Variants in KIAA1549L observed in about 807,000 individuals in gnomAD.
KIAA1549L encodes UPF0606 protein KIAA1549L.
Under a neutral mutation model 160.7 loss-of-function variants are expected in KIAA1549L, and 88 were observed. The observed-to-expected ratio is 0.55, with a 90% CI of 0.46 to 0.65. The LOEUF is 0.65. Ranked by LOEUF, KIAA1549L falls within the 30% of genes least tolerant of loss-of-function variation. The probability of loss-of-function intolerance (pLI) is 0.00; values close to 1 mark genes in which losing one functional copy is unlikely to be tolerated. For synonymous variants in KIAA1549L, 950 were observed against 976.7 expected (o/e 0.97, Z 0.51); for missense variants, 2,258 against 2,437.5 (o/e 0.93, Z 1.55).
intron 8 of KIAA1549L, among the ~76,000 whole-genome samples, chr11:33,564,158 C>T (rs1854969765): frequency 6.6e-6 from 1 of 152,174 alleles, no homozygotes; most frequent in Admixed American, 6.5e-5. Context: ...TTAGGATGAT[C>T]ATCCTGCCTT....
rs564417533 is a variant in KIAA1549L at position 33,580,907 on chromosome 11, G to T, written c.4403-2431G>T. ...AAGATAGTGGTTGCAATTTTAAATT[G>T]TTGGGGGGTCAAGAAGAGAATCACT... On this transcript the variant is annotated intron_variant, in intron 10 of 20. Coordinates refer to ENST00000658780, the MANE Select transcript of KIAA1549L (RefSeq NM_012194.3). Among the ~76,000 whole-genome samples the T allele has an allele frequency of 1.6e-4, 25 of 152,348 alleles. 2 individuals are homozygous for T. The South Asian group carries it at 4.8e-3, about 29-fold the overall frequency.
rs1348146415 is a variant in KIAA1549L, at chr11:33,376,295, G to A, written c.-357G>A. Among the ~76,000 whole-genome samples, 1 of 148,738 alleles carries A rather than the reference G, an allele frequency of 6.7e-6. No individual in the cohort carries two copies. The highest frequency in any genetic ancestry group is 6.7e-5 in the Admixed American group (1 of 14,978). On this transcript the variant is annotated 5_prime_UTR_variant, in exon 1 of 21. Coordinates refer to ENST00000658780, the MANE Select transcript of KIAA1549L (RefSeq NM_012194.3). The surrounding 1 kb of genome is among the most constrained non-coding windows in gnomAD (Gnocchi z 5.8). ...CCCCGCGGCCGCCACCCCCGTTCCC[G>A]GCAGCCTCGCCCCCTAGTTCTGCAG... is the stretch of plus-strand genomic sequence containing the variant.
intron 20 of KIAA1549L, among the ~76,000 whole-genome samples, chr11:33,661,879 CAAAAAAAAAAA>C (rs59140753): frequency 1.4e-4 from 5 of 36,300 alleles, no homozygotes; most frequent in Non-Finnish European, 2.6e-4. Context: ...GACTATGTCT[CAAAAAAAAAAA>C]AAAAAAAAAA....
chr11:33,642,450 A>C (rs1012081531), intron 16 of KIAA1549L, among the ~76,000 whole-genome samples: 1 of 152,232 alleles, frequency 6.6e-6, no homozygotes. Flanking sequence ...GTGAGCGCAC[A>C]CTTGGATAAG....
chr11:33,634,496 G>A (rs1158215119), intron 16 of KIAA1549L, among the ~76,000 whole-genome samples: 1 of 152,188 alleles, frequency 6.6e-6, no homozygotes, highest in African/African-American at 2.4e-5. Context: ...GCAAACACAG[G>A]GTGGGACAGT....
intron 1 of KIAA1549L, among the ~76,000 whole-genome samples, chr11:33,420,154 A>G (rs1481623308): frequency 6.6e-6 from 1 of 152,042 alleles, no homozygotes; most frequent in African/African-American, 2.4e-5. Flanking sequence ...TTGTGCACAG[A>G]AGGAGCATTG....
intron 1 of KIAA1549L, among the ~76,000 whole-genome samples, chr11:33,510,364 T>C (rs1407159485): frequency 6.6e-6 from 1 of 152,066 alleles, no homozygotes; most frequent in East Asian, 1.9e-4. Flanking sequence ...TTTTCGTACT[T>C]GTAGTAGAGA....
At chr11:33,422,842 T>C (rs1230176817) in intron 1 of KIAA1549L, among the ~76,000 whole-genome samples, 1 of 152,116 alleles carries the variant, frequency 6.6e-6, no homozygotes, top group Non-Finnish European at 1.5e-5. Context: ...TGTTAAAAAC[T>C]CAATGGCGTA....
chr11:33,654,248 A>G (rs1851986532), intron 17 of KIAA1549L, among the ~76,000 whole-genome samples: 1 of 152,266 alleles, frequency 6.6e-6, no homozygotes, highest in Non-Finnish European at 1.5e-5. Flanking sequence ...CTGGGATTAC[A>G]GGCGTGAGCC....
intron 15 of KIAA1549L, among the ~76,000 whole-genome samples, chr11:33,611,051 C>A (rs1850635600): frequency 1.3e-5 from 2 of 152,226 alleles, no homozygotes; most frequent in South Asian, 4.2e-4. Flanking sequence ...AGGGGAAAAA[C>A]ATTCAACCAT....
In KIAA1549L at chr11:33,545,040, G is replaced by A. The variant is rs757784961; in HGVS notation, c.3047G>A (p.Gly1016Glu). 4.3e-6 allele frequency: 7 copies of A among 1,613,848 alleles called. No individual in the cohort carries two copies. The African/African-American group carries it at 9.3e-5, about 22-fold the overall frequency. ...FTPTYMYART[G>E]HTTSTHTAMQ... Reference sequence around the variant, plus strand: ...CCAACCTACATGTATGCAAGAACAGGACATACCACGAGCACACATACAGCC... The same window carrying A: ...CCAACCTACATGTATGCAAGAACAGAACATACCACGAGCACACATACAGCC... The change falls in exon 3 of 21, where the codon GGA becomes GAA. Residue 1016 changes from glycine (G) to glutamate (E), a missense_variant. Coordinates refer to ENST00000658780, the MANE Select transcript of KIAA1549L (RefSeq NM_012194.3).
At chr11:33,467,352 C>A (rs1852084812) in intron 1 of KIAA1549L, among the ~76,000 whole-genome samples, 1 of 152,106 alleles carries the variant, frequency 6.6e-6, no homozygotes, top group Admixed American at 6.6e-5. Context: ...AAACAGAACA[C>A]AAGCACACAC....
intron 1 of KIAA1549L, among the ~76,000 whole-genome samples, chr11:33,468,753 C>T (rs930191575): frequency 8.5e-5 from 13 of 152,180 alleles, no homozygotes; most frequent in African/African-American, 2.2e-4. Context: ...AGCTATAATA[C>T]GGCGCTCCAG....
At position 33,379,585 on chromosome 11, in the gene KIAA1549L, C is replaced by T. The variant is rs1255934232; in HGVS notation, c.238+2696C>T. 1.3e-5 allele frequency among the ~76,000 whole-genome samples: 2 copies of T among 152,162 alleles called. 1 individual carries two copies. The highest frequency in any genetic ancestry group is 2.9e-5 in the Non-Finnish European group (2 of 68,034). Reference sequence around the variant, plus strand: ...CTTCACTCTCTTTTTAACTACTGAGCTTCCATTCAGTTCATGTCAGTAAAC... The same window carrying T: ...CTTCACTCTCTTTTTAACTACTGAGTTTCCATTCAGTTCATGTCAGTAAAC... On this transcript the variant is annotated intron_variant, in intron 1 of 20. Coordinates refer to ENST00000658780, the MANE Select transcript of KIAA1549L (RefSeq NM_012194.3).
chr11:33,529,629 A>G (rs1853693348), intron 1 of KIAA1549L, among the ~76,000 whole-genome samples: 1 of 152,338 alleles, frequency 6.6e-6, no homozygotes, highest in East Asian at 1.9e-4. Context: ...AGGAACTCGG[A>G]TGCTGTGTCT....
At chr11:33,594,180 CT>C (rs1183929425) in intron 12 of KIAA1549L, among the ~76,000 whole-genome samples, 3 of 152,136 alleles carry the variant, frequency 2.0e-5, no homozygotes, top group African/African-American at 7.2e-5. Flanking sequence ...TCCAAGAACT[CT>C]TGGTACCTCA....
chr11:33,468,757 G>A (rs891288208), intron 1 of KIAA1549L, among the ~76,000 whole-genome samples: 3 of 152,082 alleles, frequency 2.0e-5, no homozygotes, highest in Non-Finnish European at 4.4e-5. Context: ...ATAATACGGC[G>A]CTCCAGAATC....
chr11:33,421,023 T>C (rs1254041341), intron 1 of KIAA1549L, among the ~76,000 whole-genome samples: 1 of 152,142 alleles, frequency 6.6e-6, no homozygotes. Context: ...GTTTATGTTT[T>C]AAATAATGGA....
chr11:33,627,994 C>T (rs1851167084), intron 16 of KIAA1549L, among the ~76,000 whole-genome samples: 1 of 151,882 alleles, frequency 6.6e-6, no homozygotes. Flanking sequence ...TGTCTTTGTT[C>T]TCGTTGGTTT....
Sources: allele counts gnomAD v4.1 joint callset (sites outside exome capture counted in the v4.1 genomes callset), GRCh38; gene constraint gnomAD v4.1.1; non-coding constraint Gnocchi (gnomAD v3.1); transcripts MANE v1.5; gene names NCBI Gene and HGNC (gene_info 2026-07-23, HGNC 2026-07-21).